UBAC2: variants seen among roughly 807,000 people sequenced by gnomAD.
The protein encoded by UBAC2 is UBA domain containing 2.
A neutral mutation model predicts 44.0 loss-of-function variants in UBAC2; 26 were observed. The observed-to-expected ratio is 0.59, with a 90% CI of 0.43 to 0.82. The LOEUF (loss-of-function observed/expected upper bound fraction) is 0.82, where lower values mean the gene tolerates loss of function less well. Among genes scored for constraint, UBAC2 ranks in the 40% least tolerant of loss-of-function variants. UBAC2 has a pLI of 0.00. For missense variants in UBAC2, 329 were observed against 419.4 expected (o/e 0.78, Z 1.88); for synonymous variants, 155 against 154.3 (o/e 1.00, Z -0.04).
At chr13:99,216,869 C>T (rs1344678066) in intron 1 of UBAC2, among the ~76,000 whole-genome samples, 2 of 144,740 alleles carry the variant, frequency 1.4e-5, no homozygotes, top group African/African-American at 5.2e-5. Context: ...TTGCCCTTGT[C>T]CCCCAGGCTG....
At chr13:99,206,913 G>T (rs1373272556) in intron 1 of UBAC2, among the ~76,000 whole-genome samples, 2 of 152,228 alleles carry the variant, frequency 1.3e-5, no homozygotes, top group Non-Finnish European at 2.9e-5. Flanking sequence ...TCTCTGACTT[G>T]TTTCTGTCCA....
intron 7 of UBAC2, chr13:99,351,327 GTGA>G: frequency 2.9e-6 from 1 of 344,882 alleles, no homozygotes; most frequent in Non-Finnish European, 5.7e-6. Context: ...CAGTCAGCAG[GTGA>G]TGGCCTGTGG....
chr13:99,269,763 C>G (rs540141246), intron 4 of UBAC2, among the ~76,000 whole-genome samples: 115 of 152,300 alleles, frequency 7.6e-4, no homozygotes, highest in African/African-American at 2.5e-3. Context: ...CTGTTTTCCC[C>G]TTTCTGAAAT....
intron 1 of UBAC2, among the ~76,000 whole-genome samples, chr13:99,229,658 C>T (rs1447069020): frequency 1.3e-5 from 2 of 152,142 alleles, no homozygotes; most frequent in Non-Finnish European, 2.9e-5. Flanking sequence ...TAAAAATGAC[C>T]GTGCAAGTTG....
At chr13:99,312,101 A>T (rs919632176) in intron 4 of UBAC2, among the ~76,000 whole-genome samples, 2 of 152,198 alleles carry the variant, frequency 1.3e-5, no homozygotes, top group Non-Finnish European at 2.9e-5. Context: ...GCCATTTATC[A>T]CATTTGTTTT....
chr13:99,266,967 CA>C (rs2043752146), intron 4 of UBAC2, among the ~76,000 whole-genome samples: 1 of 152,166 alleles, frequency 6.6e-6, no homozygotes. Flanking sequence ...GCTGCACCAG[CA>C]ACACAATGCC....
intron 8 of UBAC2, among the ~76,000 whole-genome samples, chr13:99,381,420 G>T (rs2045549898): frequency 6.6e-6 from 1 of 152,244 alleles, no homozygotes; most frequent in African/African-American, 2.4e-5. Context: ...TGTGCTGGCT[G>T]GGTGCAAAGA....
chr13:99,337,533 T>C (rs2044807059), intron 6 of UBAC2, among the ~76,000 whole-genome samples: 1 of 152,216 alleles, frequency 6.6e-6, no homozygotes, highest in Non-Finnish European at 1.5e-5. Context: ...TAAATTTCGT[T>C]TTAGCATTCT....
chr13:99,253,415 A>G (rs2043485382), intron 4 of UBAC2, among the ~76,000 whole-genome samples: 1 of 152,272 alleles, frequency 6.6e-6, no homozygotes, highest in East Asian at 1.9e-4. Flanking sequence ...AAGATTGTCT[A>G]AGGGACCTTC....
chr13:99,367,599 G>T (rs543133659), intron 7 of UBAC2, among the ~76,000 whole-genome samples, 188 bp from the exon 8 acceptor site: 1 of 152,216 alleles, frequency 6.6e-6, no homozygotes, highest in Non-Finnish European at 1.5e-5. Flanking sequence ...ACTGCAGGCT[G>T]CCAATTTTGT....
chr13:99,339,245 C>G (rs915337546), intron 6 of UBAC2, among the ~76,000 whole-genome samples: 2 of 152,220 alleles, frequency 1.3e-5, no homozygotes, highest in Admixed American at 6.5e-5. Context: ...TCACGGGCAC[C>G]GCATCATCCT....
At chr13:99,291,792 GAATT>G (rs747092838) in intron 4 of UBAC2, among the ~76,000 whole-genome samples, 25 of 152,234 alleles carry the variant, frequency 1.6e-4, no homozygotes, top group Non-Finnish European at 2.6e-4. Context: ...TTTTCATTGA[GAATT>G]AAGAACTTCA....
At chr13:99,219,649 ATTC>A (rs771620687) in intron 1 of UBAC2, among the ~76,000 whole-genome samples, 34 of 152,228 alleles carry the variant, frequency 2.2e-4, no homozygotes, top group South Asian at 2.1e-4. Flanking sequence ...GCCCAAGATA[ATTC>A]TTCTTTTCCA....
At chr13:99,376,208 A>G (rs2045478407) in intron 8 of UBAC2, among the ~76,000 whole-genome samples, 1 of 152,218 alleles carries the variant, frequency 6.6e-6, no homozygotes. Flanking sequence ...CTCCTTTGGA[A>G]CATTGTCAGG....
At chr13:99,240,683 T>G (rs1204269494) in intron 2 of UBAC2, among the ~76,000 whole-genome samples, 1 of 152,138 alleles carries the variant, frequency 6.6e-6, no homozygotes, top group African/African-American at 2.4e-5. Context: ...TGCCTAAAGT[T>G]TCAGTGTGAC....
intron 1 of UBAC2, among the ~76,000 whole-genome samples, chr13:99,227,871 G>A (rs1168282782): frequency 5.9e-5 from 9 of 152,212 alleles, no homozygotes; most frequent in African/African-American, 1.9e-4. Context: ...TGGTATTCAA[G>A]TTGGGAGTGT....
intron 6 of UBAC2, among the ~76,000 whole-genome samples, chr13:99,321,232 C>T (rs971523481): frequency 1.3e-5 from 2 of 152,192 alleles, no homozygotes; most frequent in Admixed American, 6.5e-5. Context: ...AAACTTTACT[C>T]ATGCTTTTCT....
At chr13:99,291,757 T>G (rs1011767312) in intron 4 of UBAC2, among the ~76,000 whole-genome samples, 2 of 152,256 alleles carry the variant, frequency 1.3e-5, no homozygotes, top group Admixed American at 6.5e-5. Context: ...CTCTAGCATA[T>G]GTAATTGAAT....
chr13:99,314,291 T>G (rs2044457331), intron 5 of UBAC2, 71 bp downstream of exon 5: 2 of 1,466,108 alleles, frequency 1.4e-6, no homozygotes. Flanking sequence ...GGTCTTTTTC[T>G]CATTTGATCT....
Sources: gnomAD v4.1 joint callset for allele counts (sites outside exome capture counted in the v4.1 genomes callset) on GRCh38, gnomAD v4.1.1 for gene constraint, MANE v1.5 for transcripts, NCBI Gene and HGNC (gene_info 2026-07-23, HGNC 2026-07-21) for gene names.